CCDC102B: variants seen among roughly 807,000 people sequenced by gnomAD.
CCDC102B encodes the protein coiled-coil domain containing 102B, also known as coiled-coil domain-containing protein 102B.
A neutral mutation model predicts 57.4 loss-of-function variants in CCDC102B; 75 were observed. The observed-to-expected ratio is 1.31, with a 90% CI of 1.08 to 1.58. CCDC102B has a LOEUF of 1.58. Ranked by LOEUF, CCDC102B falls within the 40% of genes most tolerant of loss-of-function variation. The pLI is 0.00. For synonymous variants in CCDC102B, 206 were observed against 201.9 expected (o/e 1.02, Z -0.17); for missense variants, 636 against 582.6 (o/e 1.09, Z -0.94).
downstream of CCDC102B, among the ~76,000 whole-genome samples, chr18:69,056,636 AATAGATAGATAG>A (rs71176933): frequency 1.3e-3 from 153 of 122,034 alleles, 1 homozygote; most frequent in Middle Eastern, 0.012. Context: ...ATAGATAGAT[AATAGATAGATAG>A]ATAGATAGAT....
intron 4 of CCDC102B, among the ~76,000 whole-genome samples, chr18:68,867,944 CA>C (rs201696550): frequency 2.0e-5 from 3 of 148,190 alleles, no homozygotes; most frequent in Admixed American, 6.7e-5. Flanking sequence ...CAAAACAAAA[CA>C]AAAAAAAAGG....
intron 1 of CCDC102B, chr18:68,798,596 A>G (rs1206589653): frequency 6.6e-6 from 1 of 152,108 alleles, no homozygotes; most frequent in Non-Finnish European, 1.5e-5. Flanking sequence ...TTGTTATGGA[A>G]ATCCTCCTAT....
intron 2 of CCDC102B, chr18:68,755,022 C>G (rs2033997268): frequency 6.6e-6 from 1 of 152,204 alleles, no homozygotes; most frequent in African/African-American, 2.4e-5. Context: ...CTATGGTATT[C>G]TGTTATAGCA....
intron 2 of CCDC102B, chr18:68,754,417 A>G (rs664542): frequency 0.98 from 149,768 of 152,266 alleles, 73,697 homozygotes; most frequent in East Asian, 1. Context: ...AGTCTTCTGA[A>G]ACAAGGATAC....
At chr18:68,986,394 A>G (rs1012540361) in intron 6 of CCDC102B, among the ~76,000 whole-genome samples, 1 of 152,188 alleles carries the variant, frequency 6.6e-6, no homozygotes, top group East Asian at 1.9e-4. Context: ...AGCAAACACC[A>G]TATGATCGTC....
At chr18:68,754,481 G>C (rs1055875133) in intron 2 of CCDC102B, 11 of 152,144 alleles carry the variant, frequency 7.2e-5, no homozygotes, top group African/African-American at 2.2e-4. Flanking sequence ...TGAGGGGAAG[G>C]CTGGGCATGG....
chr18:68,838,796 G>T lies in CCDC102B; in HGVS notation c.697G>T (p.Gly233Ter), dbSNP rs772886327. 2.5e-6 allele frequency: 4 copies of T among 1,613,996 alleles called. No individual in the cohort carries two copies. Among genetic ancestry groups the T allele is most frequent in the Non-Finnish European group, 3.4e-6 (4 of 1,179,960 alleles). The change falls in exon 3 of 8, where the codon GGA becomes TGA. Residue 233 changes from glycine to a stop codon, truncating the protein, a stop_gained. Coordinates refer to ENST00000360242, the MANE Select transcript of CCDC102B (RefSeq NM_024781.3). LOFTEE classifies it high-confidence loss of function. ...TGATTTATTCAACAATGGTGGTTCT[G>T]GAAACGGTGAAACGAAAACTGGGCT... ...GVDLFNNGGSGNGETKTGLRL... is the reference protein window; with the variant it reads ...GVDLFNNGGS
At chr18:69,030,582 A>G (rs944509653) in intron 7 of CCDC102B, among the ~76,000 whole-genome samples, 2 of 152,202 alleles carry the variant, frequency 1.3e-5, no homozygotes, top group Non-Finnish European at 2.9e-5. Flanking sequence ...TTCCACAAGA[A>G]TATGGTCAAT....
intron 1 of CCDC102B, chr18:68,798,453 G>A (rs936383357): frequency 6.6e-6 from 1 of 152,008 alleles, no homozygotes; most frequent in Non-Finnish European, 1.5e-5. Flanking sequence ...CAAAACTCAG[G>A]TAAGAATTTC....
chr18:69,048,983 A>G (rs930922839), intron 7 of CCDC102B, among the ~76,000 whole-genome samples: 3 of 151,796 alleles, frequency 2.0e-5, no homozygotes, highest in Admixed American at 6.6e-5. Context: ...AAAATGTAAC[A>G]TTAAAAGAAT....
chr18:68,964,756 C>G (rs926976577), intron 6 of CCDC102B, among the ~76,000 whole-genome samples: 16 of 151,774 alleles, frequency 1.1e-4, no homozygotes, highest in African/African-American at 3.9e-4. Flanking sequence ...TTTAGCTCAT[C>G]TTTTACCTTA....
chr18:68,776,467 C>T (rs1013641651), intron 2 of CCDC102B, among the ~76,000 whole-genome samples: 8 of 152,226 alleles, frequency 5.3e-5, no homozygotes, highest in Middle Eastern at 6.8e-3. Flanking sequence ...ATATACACCA[C>T]GGAATACCAT....
At chr18:69,003,087 AT>A (rs1244974512) in intron 6 of CCDC102B, among the ~76,000 whole-genome samples, 1 of 152,180 alleles carries the variant, frequency 6.6e-6, no homozygotes, top group Admixed American at 6.5e-5. Context: ...TCCCCCAGAC[AT>A]CTGTCTCAAA....
intron 7 of CCDC102B, among the ~76,000 whole-genome samples, chr18:69,019,589 T>C (rs954174342): frequency 6.6e-6 from 1 of 152,124 alleles, no homozygotes; most frequent in Non-Finnish European, 1.5e-5. Flanking sequence ...TCCAGCAACT[T>C]TACTGAATTC....
At chr18:68,921,251 T>C (rs987797493) in intron 6 of CCDC102B, among the ~76,000 whole-genome samples, 1 of 152,134 alleles carries the variant, frequency 6.6e-6, no homozygotes, top group Non-Finnish European at 1.5e-5. Context: ...AGGAGGTAAT[T>C]GAATCACGGA....
chr18:68,766,151 C>A (rs2034463640), intron 2 of CCDC102B, among the ~76,000 whole-genome samples: 1 of 152,118 alleles, frequency 6.6e-6, no homozygotes, highest in African/African-American at 2.4e-5. Context: ...ATACATGTAT[C>A]TATCTTTCTC....
chr18:69,010,000 C>T (rs2051465281), intron 6 of CCDC102B, among the ~76,000 whole-genome samples: 2 of 124,088 alleles, frequency 1.6e-5, no homozygotes, highest in South Asian at 2.9e-4. Context: ...GGCGCTATCT[C>T]GGCTCACTGC....
At chr18:68,986,297 G>A (rs1002516950) in intron 6 of CCDC102B, among the ~76,000 whole-genome samples, 1 of 152,128 alleles carries the variant, frequency 6.6e-6, no homozygotes, top group East Asian at 1.9e-4. Flanking sequence ...AACACAAAGT[G>A]ATTAAGTAGA....
chr18:68,753,740 A>T (rs1011431675), intron 2 of CCDC102B: 4 of 152,014 alleles, frequency 2.6e-5, no homozygotes, highest in Non-Finnish European at 4.4e-5. Flanking sequence ...AAAAAAAAAA[A>T]ATGTAGGGAT....
Sources: gnomAD v4.1 joint callset for allele counts (sites outside exome capture counted in the v4.1 genomes callset) on GRCh38, gnomAD v4.1.1 for gene constraint, MANE v1.5 for transcripts, NCBI Gene and HGNC (gene_info 2026-07-23, HGNC 2026-07-21) for gene names.